ANKRD33B: variants seen among roughly 807,000 people sequenced by gnomAD.
The protein encoded by ANKRD33B is ankyrin repeat domain-containing protein 33B.
A neutral mutation model predicts 21.5 loss-of-function variants in ANKRD33B; 6 were observed. The ratio of observed to expected loss-of-function variants is 0.28; its 90% CI spans 0.15 to 0.55. The LOEUF is 0.55. ANKRD33B is among the 20% of genes least tolerant of loss of function. The pLI is 0.94. For synonymous variants in ANKRD33B, 347 were observed against 342.4 expected (o/e 1.01, Z -0.15); for missense variants, 698 against 747.2 (o/e 0.93, Z 0.77).
intron 1 of ANKRD33B, among the ~76,000 whole-genome samples, chr5:10,591,549 A>AT (rs1271439749): frequency 4.0e-5 from 6 of 151,586 alleles, no homozygotes; most frequent in Non-Finnish European, 8.8e-5. Context: ...ATCCAACCTT[A>AT]TTTTTTTTCC....
chr5:10,629,312 T>G (rs1214305183), intron 2 of ANKRD33B, among the ~76,000 whole-genome samples: 1 of 152,092 alleles, frequency 6.6e-6, no homozygotes, highest in East Asian at 1.9e-4. Context: ...TTTGTAGAGA[T>G]GAGGTCTTGC....
chr5:10,574,916 CA>C lies in ANKRD33B; in HGVS notation c.366+10097del, dbSNP rs746283372. ...GCAACATAGCAAGACTTTGTCTCTACAAAAAAAAAAAAAATTAAAACTTAGT... is the reference window on the plus strand; with the variant it reads ...GCAACATAGCAAGACTTTGTCTCTACAAAAAAAAAAAAATTAAAACTTAGT... On this transcript the variant is annotated intron_variant, in intron 1 of 3. Transcript: ENST00000296657. Among the ~76,000 whole-genome samples the C allele has an allele frequency of 5.5e-3, 176 of 31,826 alleles. 45 individuals are homozygous for C. The highest frequency in any genetic ancestry group is 8.8e-3 in the African/African-American group (142 of 16,086). The allele number at this position is 31,826 out of a possible 152,430, so 20.9% of individuals were successfully genotyped here. A position where few individuals can be genotyped will look rare whatever the true frequency, so the allele number is the denominator to read the frequency against.
At chr5:10,623,160 C>T (rs775832865) in intron 2 of ANKRD33B, among the ~76,000 whole-genome samples, 22 of 152,190 alleles carry the variant, frequency 1.4e-4, no homozygotes, top group Non-Finnish European at 2.4e-4. Flanking sequence ...GCTTAGTGCC[C>T]TCCCTGGCCT....
chr5:10,573,720 A>G (rs371660459), intron 1 of ANKRD33B, among the ~76,000 whole-genome samples: 2 of 151,916 alleles, frequency 1.3e-5, no homozygotes, highest in South Asian at 2.1e-4. Flanking sequence ...TGAGGGGGGA[A>G]GTGCCACATT....
At position 10,650,095 on chromosome 5, in the gene ANKRD33B, C is replaced by T; in HGVS notation, c.1467C>T (p.Pro489=). The T allele has an allele frequency of 1.3e-6, 2 of 1,524,170 alleles. No individual in the cohort carries two copies. The highest frequency in any genetic ancestry group is 1.2e-5 in the South Asian group (1 of 83,278). 94.4% of individuals were successfully genotyped at this position (1,524,170 alleles called of 1,614,324 possible). ...CGCAGAAGGAGAGGCGCACTGCGCCCTGGAAGAAGAGGACGTGAGGGCCCG... is the reference window on the plus strand; with the variant it reads ...CGCAGAAGGAGAGGCGCACTGCGCCTTGGAAGAAGAGGACGTGAGGGCCCG... ...AEAQKERRTA[P]WKKRT Residue 489 remains proline, a synonymous_variant, in exon 4 of 4, where the codon CCC becomes CCT. Coordinates refer to ENST00000296657, the MANE Select transcript of ANKRD33B (RefSeq NM_001164440.2).
chr5:10,578,757 T>C (rs1188146455), intron 1 of ANKRD33B, among the ~76,000 whole-genome samples: 2 of 152,258 alleles, frequency 1.3e-5, no homozygotes, highest in Non-Finnish European at 1.5e-5. Flanking sequence ...GGTTTGTTTA[T>C]GAGGCACAAG....
intron 2 of ANKRD33B, among the ~76,000 whole-genome samples, chr5:10,633,380 T>C (rs1302582950): frequency 1.3e-5 from 2 of 152,238 alleles, no homozygotes; most frequent in Non-Finnish European, 2.9e-5. Flanking sequence ...ATTACAGGCG[T>C]GCGCCACTGC....
chr5:10,567,399 T>C (rs814578), intron 1 of ANKRD33B, among the ~76,000 whole-genome samples: 149,384 of 152,386 alleles, frequency 0.98, 73,274 homozygotes, highest in East Asian at 1. Context: ...AAACTGAATC[T>C]GGCAGTCCCT....
chr5:10,616,496 G>A (rs770510688), intron 1 of ANKRD33B, among the ~76,000 whole-genome samples: 10 of 149,746 alleles, frequency 6.7e-5, no homozygotes, highest in Middle Eastern at 7.0e-3. Flanking sequence ...CCCAGGAGGT[G>A]GAGGTTGCAA....
In ANKRD33B at chr5:10,564,315, C is replaced by A; in HGVS notation, c.-153C>A. Reference sequence around the variant, plus strand: ...CTCCGGAGACTTTTTTCTTTGAGCGCAGCCGCCTGGTGCCGGTTTCCGCCG... The same window carrying A: ...CTCCGGAGACTTTTTTCTTTGAGCGAAGCCGCCTGGTGCCGGTTTCCGCCG... On this transcript the variant is annotated 5_prime_UTR_variant, in exon 1 of 4. Coordinates refer to ENST00000296657, the MANE Select transcript of ANKRD33B (RefSeq NM_001164440.2). The A allele has an allele frequency of 2.4e-6, 1 of 422,818 alleles. No individual in the cohort carries two copies. Among genetic ancestry groups the A allele is most frequent in the Non-Finnish European group, 3.2e-6 (1 of 312,672 alleles). The allele number at this position is 422,818 out of a possible 1,614,324, so 26.2% of individuals were successfully genotyped here.
Position 10,649,390 on chromosome 5 carries a change from G to A in ANKRD33B, c.762G>A (p.Gln254=), listed in dbSNP as rs1323323370. Residue 254 remains glutamine (Q), a synonymous_variant, in exon 4 of 4, where the codon CAG becomes CAA. Transcript: ENST00000296657. ...QRLLERPCPE[Q]FWEKYRPELP... ...TGCTGGAGCGCCCCTGCCCGGAGCA[G>A]TTCTGGGAGAAGTACCGGCCCGAGC... 6.5e-7 allele frequency: 1 copy of A among 1,535,586 alleles called. No individual in the cohort carries two copies. The highest frequency in any genetic ancestry group is 8.7e-7 in the Non-Finnish European group (1 of 1,146,706).
At chr5:10,605,275 C>T (rs1736021123) in intron 1 of ANKRD33B, among the ~76,000 whole-genome samples, 1 of 152,184 alleles carries the variant, frequency 6.6e-6, no homozygotes, top group African/African-American at 2.4e-5. Flanking sequence ...CCATATGGGG[C>T]CAGCCCTGAT....
In ANKRD33B at chr5:10,651,454, GT is replaced by G. The variant is rs1452860376; in HGVS notation, c.*1345del. 6.6e-6 allele frequency: 1 copy of G among 152,204 alleles called. No homozygotes were observed. Among genetic ancestry groups the G allele is most frequent in the East Asian group, 1.9e-4 (1 of 5,334 alleles). The allele number at this position is 152,204 out of a possible 1,614,324, so 9.4% of individuals were successfully genotyped here. On this transcript the variant is annotated 3_prime_UTR_variant, in exon 4 of 4. Transcript: ENST00000296657. ...ATCAAATTTGAATTTATCAAAGGGG[GT>G]TTTCTGCATAATTTTGTATTTGTAA...
Position 10,634,522 on chromosome 5 carries a change from T to A in ANKRD33B, c.497-3506T>A, listed in dbSNP as rs61315729. ...TCGTCCAGGCTGGAGTTCAGTGGTGTGATCTTAGCTCACTGCAACCTCCAC... is the reference window on the plus strand; with the variant it reads ...TCGTCCAGGCTGGAGTTCAGTGGTGAGATCTTAGCTCACTGCAACCTCCAC... On this transcript the variant is annotated intron_variant, in intron 2 of 3. Coordinates refer to ENST00000296657, the MANE Select transcript of ANKRD33B (RefSeq NM_001164440.2). Among the ~76,000 whole-genome samples, 761 of 150,562 alleles carry A rather than the reference T, an allele frequency of 5.1e-3. 5 individuals are homozygous for A. Among genetic ancestry groups the A allele is most frequent in the African/African-American group, 0.018 (734 of 40,958 alleles).
chr5:10,569,902 A>G (rs371691401), intron 1 of ANKRD33B, among the ~76,000 whole-genome samples: 2 of 152,004 alleles, frequency 1.3e-5, no homozygotes, highest in African/African-American at 4.8e-5. Context: ...TTAGAGATGG[A>G]GTCTCGCTCT....
At position 10,604,526 on chromosome 5, in the gene ANKRD33B, A is replaced by AG. The variant is rs1184627230; in HGVS notation, c.367-13807_367-13806insG. Among the ~76,000 whole-genome samples, 804 of 143,712 alleles carry AG rather than the reference A, an allele frequency of 5.6e-3. 7 individuals are homozygous for AG. The highest frequency in any genetic ancestry group is 0.02 in the African/African-American group (756 of 38,016). The allele number at this position is 143,712 out of a possible 152,430, so 94.3% of individuals were successfully genotyped here. ...AACCTTTTTGAAAAAAAAAAAAAAGAAAAAAAAAAGAAAAATATAGCACTC... is the reference window on the plus strand; with the variant it reads ...AACCTTTTTGAAAAAAAAAAAAAAGAGAAAAAAAAAGAAAAATATAGCACTC... On this transcript the variant is annotated intron_variant, in intron 1 of 3. Coordinates refer to ENST00000296657, the MANE Select transcript of ANKRD33B (RefSeq NM_001164440.2).
chr5:10,585,338 A>C (rs1198112485), intron 1 of ANKRD33B, among the ~76,000 whole-genome samples: 3 of 152,236 alleles, frequency 2.0e-5, no homozygotes, highest in African/African-American at 7.2e-5. Context: ...GGATGCCTAC[A>C]GAGCTGGAAC....
chr5:10,583,481 C>G (rs1735489581), intron 1 of ANKRD33B, among the ~76,000 whole-genome samples: 1 of 152,226 alleles, frequency 6.6e-6, no homozygotes, highest in African/African-American at 2.4e-5. Flanking sequence ...CTGGCCCCTG[C>G]CCACTGGATG....
intron 3 of ANKRD33B, among the ~76,000 whole-genome samples, chr5:10,647,660 AT>A (rs1416618576): frequency 1.3e-5 from 2 of 152,156 alleles, no homozygotes. Context: ...CAAGAGATTT[AT>A]TTTAAGGAAT....
Sources: allele counts gnomAD v4.1 joint callset (sites outside exome capture counted in the v4.1 genomes callset), GRCh38; gene constraint gnomAD v4.1.1; transcripts MANE v1.5; gene names NCBI Gene and HGNC (gene_info 2026-07-23, HGNC 2026-07-21).